TOMM34: variants seen among roughly 807,000 people sequenced by gnomAD.
The protein encoded by TOMM34 is mitochondrial import receptor subunit TOM34.
Under a neutral mutation model 37.4 loss-of-function variants are expected in TOMM34, and 24 were observed. The observed-to-expected ratio is 0.64, with a 90% CI of 0.46 to 0.90. The LOEUF is 0.90. Among genes scored for constraint, TOMM34 ranks in the 40% least tolerant of loss-of-function variants. The pLI, the probability that TOMM34 is intolerant of heterozygous loss-of-function variation, is 0.00. For missense variants in TOMM34, 304 were observed against 375.6 expected (o/e 0.81, Z 1.58); for synonymous variants, 154 against 148.9 (o/e 1.03, Z -0.25).
At chr20:44,944,995 T>G (rs78774105) in intron 5 of TOMM34, among the ~76,000 whole-genome samples, 6 of 152,216 alleles carry the variant, frequency 3.9e-5, no homozygotes, top group African/African-American at 1.2e-4. Context: ...CACTGCAAGA[T>G]AGTTAATCCA....
At chr20:44,958,381 C>T (rs2067095884) in intron 1 of TOMM34, 1 of 471,462 alleles carries the variant, frequency 2.1e-6, no homozygotes, top group South Asian at 1.5e-5. Flanking sequence ...ACATCCTTGC[C>T]CTTAAGGAGC....
chr20:44,953,062 C>A (rs1369858337), intron 3 of TOMM34, among the ~76,000 whole-genome samples: 11 of 152,102 alleles, frequency 7.2e-5, no homozygotes, highest in Admixed American at 6.5e-4. Flanking sequence ...GCTCTGGATC[C>A]CATCTCCTCT....
At chr20:44,946,691 G>C (rs1192196802) in intron 5 of TOMM34, among the ~76,000 whole-genome samples, 1 of 152,192 alleles carries the variant, frequency 6.6e-6, no homozygotes, top group African/African-American at 2.4e-5. Context: ...GCCAAAGCCT[G>C]GGCATTGTGT....
intron 1 of TOMM34, among the ~76,000 whole-genome samples, chr20:44,959,590 G>A (rs1156787607): frequency 6.6e-6 from 1 of 152,118 alleles, no homozygotes; most frequent in African/African-American, 2.4e-5. Flanking sequence ...TTTGACCCCT[G>A]AAACACACCA....
At chr20:44,959,214 A>G (rs1001298405) in intron 1 of TOMM34, among the ~76,000 whole-genome samples, 1 of 152,208 alleles carries the variant, frequency 6.6e-6, no homozygotes, top group Non-Finnish European at 1.5e-5. Context: ...AAGGAAAAAA[A>G]GGAAGGCGGC....
chr20:44,951,303 T>C (rs1157934316), intron 4 of TOMM34, among the ~76,000 whole-genome samples: 1 of 152,078 alleles, frequency 6.6e-6, no homozygotes, highest in East Asian at 1.9e-4. Context: ...CTATAGCTAT[T>C]TTGCTACTAG....
intron 2 of TOMM34, 148 bp downstream of exon 2, chr20:44,956,238 C>G (rs1023376574): frequency 8.9e-6 from 7 of 788,806 alleles, no homozygotes; most frequent in Admixed American, 4.6e-5. Context: ...CTCCCATTCT[C>G]AGTGACCTGG....
chr20:44,944,908 T>C (rs1382103832), intron 5 of TOMM34, among the ~76,000 whole-genome samples: 1 of 152,244 alleles, frequency 6.6e-6, no homozygotes, highest in Non-Finnish European at 1.5e-5. Flanking sequence ...TTTTAATCTT[T>C]TGAAATCAAA....
At chr20:44,947,502 ACTT>A (rs780612645) in intron 5 of TOMM34, among the ~76,000 whole-genome samples, 1 of 151,590 alleles carries the variant, frequency 6.6e-6, no homozygotes, top group African/African-American at 2.4e-5. Flanking sequence ...AATGGAAAAC[ACTT>A]CTTTTTTTTT....
rs372408314 is a variant in TOMM34 at position 44,943,143 on chromosome 20, T to C, written c.896A>G (p.Lys299Arg). ...GTTCTGCTTCACTTCCTGCCGCAAC[T>C]TCTGTGCAGGACCATTCCTAGGCTC... Reference protein sequence around the residue: ...QIEPRNGPAQKLRQEVKQNLH With the variant: ...QIEPRNGPAQRLRQEVKQNLH The change falls in exon 7 of 7, where the codon AAG becomes AGG. Residue 299 changes from lysine to arginine, a missense_variant. By Grantham distance (26) the Lys-to-Arg change is conservative. Coordinates refer to ENST00000372813, the MANE Select transcript of TOMM34 (RefSeq NM_006809.5). 1.9e-5 allele frequency: 31 copies of C among 1,614,060 alleles called. No individual in the cohort carries two copies. Among genetic ancestry groups the C allele is most frequent in the Non-Finnish European group, 2.4e-5 (28 of 1,180,034 alleles).
chr20:44,950,525 G>T (rs1248566980), intron 4 of TOMM34, among the ~76,000 whole-genome samples: 1 of 152,200 alleles, frequency 6.6e-6, no homozygotes, highest in East Asian at 1.9e-4. Context: ...ACATGGCTTG[G>T]AACACATGGC....
intron 5 of TOMM34, among the ~76,000 whole-genome samples, chr20:44,944,592 TATA>T (rs1660340821): frequency 6.6e-6 from 1 of 152,198 alleles, no homozygotes; most frequent in South Asian, 2.1e-4. Context: ...GGCTCATGCT[TATA>T]ATCCCAGCAC....
chr20:44,958,407 T>C (rs1342655646), intron 1 of TOMM34: 2 of 471,372 alleles, frequency 4.2e-6, no homozygotes, highest in African/African-American at 2.0e-5. Flanking sequence ...ACCCAAAACC[T>C]GTAATCCATC....
chr20:44,948,424 G>A (rs2066998730), intron 5 of TOMM34, among the ~76,000 whole-genome samples: 1 of 152,218 alleles, frequency 6.6e-6, no homozygotes, highest in African/African-American at 2.4e-5. Flanking sequence ...GGGTGGACAG[G>A]CTAAGAGACT....
intron 3 of TOMM34, among the ~76,000 whole-genome samples, chr20:44,954,025 G>A (rs1033758603): frequency 7.2e-5 from 11 of 152,170 alleles, no homozygotes; most frequent in Non-Finnish European, 1.3e-4. Flanking sequence ...ATGTGAAACC[G>A]ACTTCTTACA....
intron 1 of TOMM34, among the ~76,000 whole-genome samples, 194 bp from the exon 2 acceptor site, chr20:44,956,679 G>T (rs1342795659): frequency 6.6e-6 from 1 of 152,190 alleles, no homozygotes; most frequent in African/African-American, 2.4e-5. Flanking sequence ...TGCGCTTTTT[G>T]CCATTCAAAG....
At chr20:44,960,003 T>C (rs1464573027) in intron 1 of TOMM34, 9 of 984,122 alleles carry the variant, frequency 9.1e-6, no homozygotes, top group Non-Finnish European at 1.1e-5. Context: ...GAGGCCTAAA[T>C]AACTTAGGAT....
chr20:44,943,895 T>C (rs966003822), intron 5 of TOMM34, among the ~76,000 whole-genome samples: 3 of 152,052 alleles, frequency 2.0e-5, no homozygotes, highest in African/African-American at 7.2e-5. Flanking sequence ...CGCTCTCCTA[T>C]ACTGAGCTCT....
Position 44,943,437 on chromosome 20 carries a change from C to T in TOMM34, c.825+16G>A, listed in dbSNP as rs1568657323. 4 of 1,614,054 alleles carry T rather than the reference C, an allele frequency of 2.5e-6. No homozygotes were observed. Among genetic ancestry groups the T allele is most frequent in the Non-Finnish European group, 3.4e-6 (4 of 1,180,014 alleles). On this transcript the variant is annotated intron_variant, in intron 6 of 6. Coordinates refer to ENST00000372813, the MANE Select transcript of TOMM34 (RefSeq NM_006809.5). ...TGTAGCTATGTTGGGACCTTTTGGCCAGGATTTTTTTTTACCTTGAGTGCT... is the reference window on the plus strand; with the variant it reads ...TGTAGCTATGTTGGGACCTTTTGGCTAGGATTTTTTTTTACCTTGAGTGCT...
Sources: allele counts gnomAD v4.1 joint callset (sites outside exome capture counted in the v4.1 genomes callset), GRCh38; gene constraint gnomAD v4.1.1; transcripts MANE v1.5; gene names NCBI Gene and HGNC (gene_info 2026-07-23, HGNC 2026-07-21).